Variants in KCTD15 observed in about 807,000 individuals in gnomAD.
KCTD15 encodes the protein BTB/POZ domain-containing protein KCTD15.
Under a neutral mutation model 27.2 loss-of-function variants are expected in KCTD15, and 11 were observed. That is an observed-to-expected ratio of 0.41 (90% CI 0.25 to 0.67). KCTD15 has a LOEUF of 0.67. Among genes scored for constraint, KCTD15 ranks in the 30% least tolerant of loss-of-function variants. The pLI is 0.35. For missense variants in KCTD15, 350 were observed against 409.3 expected (o/e 0.86, Z 1.25); for synonymous variants, 163 against 176.0 (o/e 0.93, Z 0.58).
rs752211601 is a variant in KCTD15, at chr19:33,801,201, G to T, written c.101G>T (p.Arg34Leu). The T allele has an allele frequency of 8.7e-6, 14 of 1,611,372 alleles. No homozygotes were observed. The highest frequency in any genetic ancestry group is 1.1e-5 in the Non-Finnish European group (13 of 1,178,874). The change falls in exon 4 of 7, where the codon CGG becomes CTG. Residue 34 changes from arginine (R) to leucine (L), a missense_variant. Physicochemically the swap from Arg to Leu is moderately radical, Grantham distance 102. Transcript: ENST00000683859. The part of the protein sequence containing the change: ...GGNMSRLSLT[R>L]SPVSPLAAQG... Reference sequence around the variant, plus strand: ...AACATGTCCCGGCTGTCTCTCACCCGGTCGCCTGTGTCTCCCCTGGCTGCC... The same window carrying T: ...AACATGTCCCGGCTGTCTCTCACCCTGTCGCCTGTGTCTCCCCTGGCTGCC...
chr19:33,795,819 C>G (rs572206097), upstream of KCTD15: 5 of 152,152 alleles, frequency 3.3e-5, no homozygotes, highest in South Asian at 2.1e-4. Flanking sequence ...CATCGCGCCG[C>G]GCGCGTAAAG....
intron 4 of KCTD15, among the ~76,000 whole-genome samples, chr19:33,802,966 C>T (rs74569093): frequency 6.6e-6 from 1 of 151,944 alleles, no homozygotes; most frequent in African/African-American, 2.4e-5. Context: ...GGGGCCATCT[C>T]CCCCCACCCA....
In KCTD15 at chr19:33,802,862, G is replaced by C. The variant is rs115863149; in HGVS notation, c.242+1520G>C. ...GTTTCCTGAAATCAGAGAGTTGCCTGTCTGGAGTAATCACAGCCCAGGCCC... is the reference window on the plus strand; with the variant it reads ...GTTTCCTGAAATCAGAGAGTTGCCTCTCTGGAGTAATCACAGCCCAGGCCC... On this transcript the variant is annotated intron_variant, in intron 4 of 6. Coordinates refer to ENST00000683859, the MANE Select transcript of KCTD15 (RefSeq NM_001129994.2). 9.3e-3 allele frequency among the ~76,000 whole-genome samples: 1,419 copies of C among 152,352 alleles called. 20 individuals are homozygous for C. Among genetic ancestry groups the C allele is most frequent in the African/African-American group, 0.032 (1,350 of 41,584 alleles).
At chr19:33,805,166 T>C (rs1457184810) in intron 4 of KCTD15, among the ~76,000 whole-genome samples, 2 of 152,150 alleles carry the variant, frequency 1.3e-5, no homozygotes, top group African/African-American at 4.8e-5. Flanking sequence ...CAAGCAGTCC[T>C]CCACCTTAGC....
intron 5 of KCTD15, among the ~76,000 whole-genome samples, chr19:33,809,593 C>T (rs985673168): frequency 6.6e-5 from 10 of 152,076 alleles, no homozygotes; most frequent in African/African-American, 1.7e-4. Context: ...GGAGAATGGC[C>T]AGGAGAGGTG....
intron 1 of KCTD15, among the ~76,000 whole-genome samples, chr19:33,797,905 T>TC (rs1365981123): frequency 6.6e-6 from 1 of 152,222 alleles, no homozygotes; most frequent in African/African-American, 2.4e-5. Context: ...ATCTGTGGTC[T>TC]CCAAGTGTCT....
chr19:33,804,813 G>C (rs1287701166), intron 4 of KCTD15, among the ~76,000 whole-genome samples: 2 of 152,174 alleles, frequency 1.3e-5, no homozygotes, highest in Non-Finnish European at 2.9e-5. Flanking sequence ...AGGGCTCATC[G>C]GCCTTTGGAG....
chr19:33,804,876 G>C (rs1975665674), intron 4 of KCTD15, among the ~76,000 whole-genome samples: 1 of 152,174 alleles, frequency 6.6e-6, no homozygotes, highest in South Asian at 2.1e-4. Flanking sequence ...ACAGACTCGG[G>C]CTCACAGCAG....
chr19:33,804,129 G>A (rs1443317168), intron 4 of KCTD15, among the ~76,000 whole-genome samples: 2 of 152,210 alleles, frequency 1.3e-5, no homozygotes, highest in African/African-American at 4.8e-5. Context: ...GCTCCTCCAT[G>A]GTGATTATCC....
intron 5 of KCTD15, 117 bp from the exon 6 acceptor site, chr19:33,811,130 C>A: frequency 1.2e-6 from 1 of 852,704 alleles, no homozygotes; most frequent in South Asian, 1.8e-5. Flanking sequence ...ACACAATACC[C>A]TGCGAGTCGC....
chr19:33,795,323 C>T (rs1374783888), upstream of KCTD15, among the ~76,000 whole-genome samples: 1 of 152,194 alleles, frequency 6.6e-6, no homozygotes, highest in African/African-American at 2.4e-5. Flanking sequence ...GCTGTCTGGA[C>T]GCTCTCTCCA....
intron 6 of KCTD15, chr19:33,812,471 A>G (rs1224192883): frequency 4.4e-5 from 51 of 1,149,000 alleles, no homozygotes; most frequent in Non-Finnish European, 4.9e-5. Context: ...GTTACACCCT[A>G]CAGAATAAAG....
chr19:33,798,436 C>T (rs1205042757), intron 1 of KCTD15: 1 of 149,342 alleles, frequency 6.7e-6, no homozygotes, highest in Non-Finnish European at 1.5e-5. Context: ...TCTGCTCGGG[C>T]GGGCGGGGCT....
chr19:33,801,827 G>C (rs1454081964), intron 4 of KCTD15: 1 of 153,078 alleles, frequency 6.5e-6, no homozygotes, highest in Non-Finnish European at 1.5e-5. Flanking sequence ...GAGGAGCTGT[G>C]GTGAGCTGCA....
upstream of KCTD15, chr19:33,795,868 C>A (rs1479029528): frequency 1.3e-5 from 2 of 152,092 alleles, no homozygotes; most frequent in African/African-American, 2.4e-5. Flanking sequence ...GGCCCGGTGC[C>A]CCAGCGCGTC....
At position 33,811,435 on chromosome 19, in the gene KCTD15, G is replaced by T. The variant is rs772382159; in HGVS notation, c.576G>T (p.Glu192Asp). Residue 192 changes from glutamate to aspartate, a missense_variant, in exon 6 of 7, where the codon GAG (glutamate) becomes GAT (aspartate). Around this residue, in one of 3 missense-constraint regions of KCTD15, gnomAD observed 219 missense variants for 234.9 expected, o/e 0.93. Coordinates refer to ENST00000683859, the MANE Select transcript of KCTD15 (RefSeq NM_001129994.2). ...ALSGEKALIE[E>D]VFPETGDVMC... Reference sequence around the variant, plus strand: ...GCGGCGAGAAGGCCCTCATCGAGGAGGTCTTCCCCGAGACCGGAGACGTCA... The same window carrying T: ...GCGGCGAGAAGGCCCTCATCGAGGATGTCTTCCCCGAGACCGGAGACGTCA... 3.3e-5 allele frequency: 54 copies of T among 1,612,482 alleles called. No individual in the cohort carries two copies. The highest frequency in any genetic ancestry group is 6.7e-5 in the Admixed American group (4 of 59,964).
At chr19:33,811,182 T>TCCCCCCCCCCCCCCCCCCCCC in intron 5 of KCTD15, 65 bp from the exon 6 acceptor site, 1 of 234,470 alleles carries the variant, frequency 4.3e-6, no homozygotes, top group Non-Finnish European at 8.2e-6. Flanking sequence ...CCGCCTCCCC[T>TCCCCCCCCCCCCCCCCCCCCC]CTCCCCCTTC....
At chr19:33,805,146 C>A (rs567993692) in intron 4 of KCTD15, among the ~76,000 whole-genome samples, 1 of 152,282 alleles carries the variant, frequency 6.6e-6, no homozygotes, top group Non-Finnish European at 1.5e-5. Flanking sequence ...TGGTCTCGAA[C>A]CCCTGGCCTC....
intron 4 of KCTD15, among the ~76,000 whole-genome samples, chr19:33,806,388 A>G (rs1975712625): frequency 6.6e-6 from 1 of 152,102 alleles, no homozygotes; most frequent in African/African-American, 2.4e-5. Flanking sequence ...ACTCGTTTAC[A>G]TGGGTTGGGT....
Sources: allele counts gnomAD v4.1 joint callset (sites outside exome capture counted in the v4.1 genomes callset), GRCh38; gene constraint gnomAD v4.1.1; regional missense constraint gnomAD v4.1.1; transcripts MANE v1.5; gene names NCBI Gene and HGNC (gene_info 2026-07-23, HGNC 2026-07-21).